The following TMBIM6 variants were observed in gnomAD, a reference collection of about 807,000 sequenced individuals.
TMBIM6 encodes transmembrane BAX inhibitor motif containing 6, also known as bax inhibitor 1.
Under a neutral mutation model 31.4 loss-of-function variants are expected in TMBIM6, and 13 were observed. The ratio of observed to expected loss-of-function variants is 0.41; its 90% CI spans 0.27 to 0.66. The LOEUF is 0.66. Ranked by LOEUF, TMBIM6 falls within the 30% of genes least tolerant of loss-of-function variation. TMBIM6 has a pLI of 0.28. For synonymous variants in TMBIM6, 85 were observed against 101.7 expected, an observed-to-expected ratio of 0.84 and a Z score of 0.99; for missense variants, 275 against 289.5, an observed-to-expected ratio of 0.95 and a Z score of 0.36.
At chr12:49,757,280 G>A (rs1352836291) in intron 4 of TMBIM6, among the ~76,000 whole-genome samples, 1 of 152,224 alleles carries the variant, frequency 6.6e-6, no homozygotes. Context: ...TAGCCATTGT[G>A]TACTTGAATG....
chr12:49,753,190 T>A, intron 3 of TMBIM6, 109 bp downstream of exon 3: 2 of 732,510 alleles, frequency 2.7e-6, no homozygotes, highest in African/African-American at 1.8e-5. Flanking sequence ...TCTTTATCAG[T>A]AGTTTAGGAT....
chr12:49,756,209 C>T (rs1355904884), intron 4 of TMBIM6, among the ~76,000 whole-genome samples: 1 of 152,124 alleles, frequency 6.6e-6, no homozygotes, highest in Non-Finnish European at 1.5e-5. Context: ...GATCTTGGCT[C>T]ACTGCAAACT....
chr12:49,758,086 A>G (rs928202949), intron 4 of TMBIM6, 141 bp from the exon 5 acceptor site: 22 of 877,828 alleles, frequency 2.5e-5, no homozygotes, highest in Admixed American at 9.4e-5. Context: ...AAACAATTAC[A>G]GCGGAGGGGA....
chr12:49,753,760 C>G (rs1408390718), intron 3 of TMBIM6, among the ~76,000 whole-genome samples: 3 of 152,132 alleles, frequency 2.0e-5, no homozygotes, highest in Non-Finnish European at 4.4e-5. Flanking sequence ...TGAAAAATTA[C>G]TTTAGACACT....
chr12:49,749,034 A>G (rs1945446414), intron 1 of TMBIM6, among the ~76,000 whole-genome samples: 2 of 152,196 alleles, frequency 1.3e-5, no homozygotes, highest in Admixed American at 1.3e-4. Context: ...GAGAGCTGCT[A>G]TTTTTGAGTT....
rs573508554 is a variant in TMBIM6, at chr12:49,746,868, C to T, written c.-31+5257C>T. On this transcript the variant is annotated intron_variant, in intron 1 of 9. Coordinates refer to ENST00000267115, the MANE Select transcript of TMBIM6 (RefSeq NM_003217.3). ...TTTGTTTTTTTGAGACAGAGTCTGGCTCTGTCACCCAGGCTGGAGTGCAGT... is the reference window on the plus strand; with the variant it reads ...TTTGTTTTTTTGAGACAGAGTCTGGTTCTGTCACCCAGGCTGGAGTGCAGT... 8.2e-4 allele frequency among the ~76,000 whole-genome samples: 125 copies of T among 151,822 alleles called. 1 individual carries two copies. Among genetic ancestry groups the T allele is most frequent in the African/African-American group, 2.7e-3 (113 of 41,104 alleles).
chr12:49,751,078 T>G (rs1418503849), intron 1 of TMBIM6, among the ~76,000 whole-genome samples: 1 of 152,198 alleles, frequency 6.6e-6, no homozygotes, highest in African/African-American at 2.4e-5. Flanking sequence ...CTTGACTGGA[T>G]CTTTAGTACT....
Position 49,753,099 on chromosome 12 carries a change from T to C in TMBIM6, c.165+18T>C. The C allele has an allele frequency of 6.2e-7, 1 of 1,603,360 alleles. No homozygotes were observed. Among genetic ancestry groups the C allele is most frequent in the South Asian group, 1.1e-5 (1 of 90,092 alleles). ...TCATTCAGGTAAGAACGATTTTCTC[T>C]CCTGGTTGCTGTGGTACAAATTACA... On this transcript the variant is annotated intron_variant, in intron 3 of 9. Coordinates refer to ENST00000267115, the MANE Select transcript of TMBIM6 (RefSeq NM_003217.3).
At chr12:49,751,523 C>G (rs181032301) in intron 1 of TMBIM6, among the ~76,000 whole-genome samples, 1 of 151,994 alleles carries the variant, frequency 6.6e-6, no homozygotes, top group Non-Finnish European at 1.5e-5. Flanking sequence ...AAATACCCCC[C>G]AAAAAATCCT....
At chr12:49,743,210 C>T (rs1357599113) in intron 1 of TMBIM6, among the ~76,000 whole-genome samples, 1 of 151,176 alleles carries the variant, frequency 6.6e-6, no homozygotes, top group African/African-American at 2.4e-5. Flanking sequence ...AACTCCAGAA[C>T]TCAAGCGATT....
Position 49,753,064 on chromosome 12 carries a change from G to T in TMBIM6, c.148G>T (p.Val50Phe). Reference sequence around the variant, plus strand: ...GGCTGCAGGGGCCTATGTCCATATGGTCACTCATTTCATTCAGGTAAGAAC... The same window carrying T: ...GGCTGCAGGGGCCTATGTCCATATGTTCACTCATTTCATTCAGGTAAGAAC... ...VAAAGAYVHM[V>F]THFIQAGLLS... Residue 50 changes from valine (V) to phenylalanine (F), a missense_variant, in exon 3 of 10, where the codon GTC (valine) becomes TTC (phenylalanine). By Grantham distance (50) the Val-to-Phe change is conservative (BLOSUM62 -1). Coordinates refer to ENST00000267115, the MANE Select transcript of TMBIM6 (RefSeq NM_003217.3). 1 of 1,613,766 alleles carries T rather than the reference G, an allele frequency of 6.2e-7. No individual in the cohort carries two copies. The highest frequency in any genetic ancestry group is 8.5e-7 in the Non-Finnish European group (1 of 1,179,894).
intron 7 of TMBIM6, 72 bp downstream of exon 7, chr12:49,758,834 TGCACTTC>T (rs1945658662): frequency 1.2e-5 from 14 of 1,194,460 alleles, no homozygotes; most frequent in Admixed American, 2.0e-5. Flanking sequence ...TTTTTTTTTT[TGCACTTC>T]TTTCTGTACT....
At chr12:49,746,634 C>T (rs1945399437) in intron 1 of TMBIM6, among the ~76,000 whole-genome samples, 1 of 152,140 alleles carries the variant, frequency 6.6e-6, no homozygotes, top group Non-Finnish European at 1.5e-5. Flanking sequence ...GCTGCATGTC[C>T]CACTGCTAAG....
intron 3 of TMBIM6, among the ~76,000 whole-genome samples, chr12:49,754,541 C>A (rs1290720497): frequency 1.3e-5 from 2 of 152,128 alleles, no homozygotes; most frequent in Non-Finnish European, 2.9e-5. Context: ...AATGTTGTGA[C>A]CTTAGGCTTG....
chr12:49,754,372 T>C (rs999088387), intron 3 of TMBIM6, among the ~76,000 whole-genome samples: 2 of 152,222 alleles, frequency 1.3e-5, no homozygotes, highest in Non-Finnish European at 2.9e-5. Context: ...ATGTGCCTTA[T>C]GAAGAAAATG....
Position 49,752,473 on chromosome 12 carries a change from T to C in TMBIM6, c.-21T>C, listed in dbSNP as rs1945512498. ...TTTCTTTATTCTGCAGAGTGGAGAC[T>C]GCTGCACGGACTCTGGAACCATGAA... On this transcript the variant is annotated 5_prime_UTR_variant, in exon 2 of 10. Coordinates refer to ENST00000267115, the MANE Select transcript of TMBIM6 (RefSeq NM_003217.3). The C allele has an allele frequency of 6.2e-7, 1 of 1,612,614 alleles. No homozygotes were observed. Among genetic ancestry groups the C allele is most frequent in the Non-Finnish European group, 8.5e-7 (1 of 1,179,438 alleles).
chr12:49,743,789 A>G (rs1378639608), intron 1 of TMBIM6, among the ~76,000 whole-genome samples: 1 of 152,252 alleles, frequency 6.6e-6, no homozygotes, highest in African/African-American at 2.4e-5. Context: ...ATGGAATAGT[A>G]AAAAGAGCAC....
chr12:49,748,546 A>AACTGC (rs1451419750), intron 1 of TMBIM6, among the ~76,000 whole-genome samples: 1 of 152,198 alleles, frequency 6.6e-6, no homozygotes, highest in Non-Finnish European at 1.5e-5. Flanking sequence ...ACTTCAGCAA[A>AACTGC]ACTTTAGCAG....
At chr12:49,749,752 C>G (rs1181657308) in intron 1 of TMBIM6, 2 of 152,112 alleles carry the variant, frequency 1.3e-5, no homozygotes, top group East Asian at 3.9e-4. Flanking sequence ...ATTTTTGAGT[C>G]AACGATATTT....
Sources: gnomAD v4.1 joint callset for allele counts (sites outside exome capture counted in the v4.1 genomes callset) on GRCh38, gnomAD v4.1.1 for gene constraint, MANE v1.5 for transcripts, NCBI Gene and HGNC (gene_info 2026-07-23, HGNC 2026-07-21) for gene names.